The following CLMP variants were observed in gnomAD, a reference collection of about 807,000 sequenced individuals.
CLMP encodes the protein CXADR-like membrane protein.
Under a neutral mutation model 45.2 loss-of-function variants are expected in CLMP, and 27 were observed. That is an observed-to-expected ratio of 0.60 (90% confidence interval 0.44 to 0.82). The LOEUF is 0.82. CLMP is among the 40% of genes least tolerant of loss of function. The pLI is 0.00. For missense variants in CLMP, 403 were observed against 448.4 expected (o/e 0.90, Z 0.91); for synonymous variants, 167 against 171.4 (o/e 0.97, Z 0.20).
intron 5 of CLMP, among the ~76,000 whole-genome samples, chr11:123,075,429 C>G (rs375219867): frequency 6.6e-6 from 1 of 152,082 alleles, no homozygotes; most frequent in African/African-American, 2.4e-5. Flanking sequence ...CTGTGTCCCC[C>G]AGACTGGAGT....
At chr11:123,183,260 T>C (rs1324574675) in intron 1 of CLMP, among the ~76,000 whole-genome samples, 2 of 152,068 alleles carry the variant, frequency 1.3e-5, no homozygotes, top group African/African-American at 4.8e-5. Context: ...TGACAGAGTC[T>C]TGCTCTGTTG....
intron 1 of CLMP, among the ~76,000 whole-genome samples, chr11:123,166,408 C>T (rs931671913): frequency 6.6e-6 from 1 of 152,216 alleles, no homozygotes; most frequent in Non-Finnish European, 1.5e-5. Flanking sequence ...ATCAGCCTGA[C>T]GGCTTCAATA....
At chr11:123,135,707 A>G (rs956846006) in intron 1 of CLMP, among the ~76,000 whole-genome samples, 6 of 152,196 alleles carry the variant, frequency 3.9e-5, no homozygotes, top group African/African-American at 1.4e-4. Flanking sequence ...TGCAAAAATG[A>G]TGAGAGCCAT....
At chr11:123,167,138 T>C (rs1861568458) in intron 1 of CLMP, among the ~76,000 whole-genome samples, 1 of 152,192 alleles carries the variant, frequency 6.6e-6, no homozygotes, top group South Asian at 2.1e-4. Flanking sequence ...TTACTATCAA[T>C]AATCTTATAG....
At chr11:123,091,017 G>A (rs1264823038) in intron 2 of CLMP, among the ~76,000 whole-genome samples, 4 of 152,176 alleles carry the variant, frequency 2.6e-5, no homozygotes, top group Non-Finnish European at 4.4e-5. Context: ...ATTAAACTGC[G>A]AGGGTCCCAG....
At chr11:123,193,408 A>G (rs1280701536) in intron 1 of CLMP, among the ~76,000 whole-genome samples, 1 of 152,250 alleles carries the variant, frequency 6.6e-6, no homozygotes, top group Non-Finnish European at 1.5e-5. Flanking sequence ...GTTTCATTCT[A>G]CTAAATATCT....
At position 123,073,248 on chromosome 11, in the gene CLMP, C is replaced by G. The variant is rs1401220685; in HGVS notation, c.*226G>C. On this transcript the variant is annotated 3_prime_UTR_variant, in exon 7 of 7. Transcript: ENST00000448775. ...GACTCCTGCTTTCCCTTACTCTGGTCTAAAGGCACAATAAGATGCCTTTTT... is the reference window on the plus strand; with the variant it reads ...GACTCCTGCTTTCCCTTACTCTGGTGTAAAGGCACAATAAGATGCCTTTTT... 7 of 496,680 alleles carry G rather than the reference C, an allele frequency of 1.4e-5. No homozygotes were observed. 30.8% of individuals were successfully genotyped at this position (496,680 alleles called of 1,614,324 possible). A position where few individuals can be genotyped will look rare whatever the true frequency, so the allele number is the denominator to read the frequency against.
intron 1 of CLMP, among the ~76,000 whole-genome samples, chr11:123,128,945 G>A (rs1048981829): frequency 6.6e-6 from 1 of 152,136 alleles, no homozygotes; most frequent in Non-Finnish European, 1.5e-5. Context: ...GGAAGTCAAA[G>A]AAATTGACTG....
chr11:123,111,087 C>T lies in CLMP; in HGVS notation c.29-13135G>A, dbSNP rs576608105. 7.1e-4 allele frequency among the ~76,000 whole-genome samples: 108 copies of T among 152,120 alleles called. 1 individual carries two copies. The highest frequency in any genetic ancestry group is 2.5e-3 in the African/African-American group (104 of 41,488). On this transcript the variant is annotated intron_variant, in intron 1 of 6. Transcript: ENST00000448775. ...ATAAAATACAAGTGTAAAATACTGT[C>T]GGTGTATTTTGTCACCATCAGTGAG...
chr11:123,138,746 C>T (rs1451496088), intron 1 of CLMP, among the ~76,000 whole-genome samples: 10 of 152,064 alleles, frequency 6.6e-5, no homozygotes, highest in South Asian at 4.1e-4. Flanking sequence ...CTCTGCCTCC[C>T]GGGTTCAAGC....
In CLMP at chr11:123,148,209, TTA is replaced by T. The variant is rs1861266624; in HGVS notation, c.28+46702_28+46703del. Among the ~76,000 whole-genome samples, 4 of 152,286 alleles carry T rather than the reference TTA, an allele frequency of 2.6e-5. No individual in the cohort carries two copies. In the South Asian group the frequency reaches 8.3e-4, roughly 32 times the overall value. On this transcript the variant is annotated intron_variant, in intron 1 of 6. Transcript: ENST00000448775. ...TGCTACGTAAGTGTAGCTGTTATGT[TTA>T]GGGCCGCAGGGCTTTTAAGTGGCTT...
intron 1 of CLMP, among the ~76,000 whole-genome samples, chr11:123,182,938 A>G (rs991440901): frequency 6.6e-5 from 10 of 152,178 alleles, no homozygotes; most frequent in African/African-American, 2.4e-4. Context: ...TTTTGTGCCA[A>G]TGTGCATCAC....
intron 2 of CLMP, among the ~76,000 whole-genome samples, chr11:123,094,936 C>G (rs1469016819): frequency 6.6e-6 from 1 of 152,094 alleles, no homozygotes; most frequent in Non-Finnish European, 1.5e-5. Flanking sequence ...GTGCCAGGCT[C>G]TTTGTAAAAA....
At chr11:123,130,377 A>G (rs955425598) in intron 1 of CLMP, among the ~76,000 whole-genome samples, 1 of 152,130 alleles carries the variant, frequency 6.6e-6, no homozygotes, top group Non-Finnish European at 1.5e-5. Flanking sequence ...AGGACCATCA[A>G]GGCTTTGCCC....
chr11:123,152,914 G>A (rs964639700), intron 1 of CLMP, among the ~76,000 whole-genome samples: 1 of 152,146 alleles, frequency 6.6e-6, no homozygotes, highest in African/African-American at 2.4e-5. Flanking sequence ...TGAGCATAGA[G>A]GTTGTGTGCG....
intron 1 of CLMP, among the ~76,000 whole-genome samples, chr11:123,180,387 C>T (rs548740974): frequency 2.6e-5 from 4 of 152,036 alleles, no homozygotes; most frequent in African/African-American, 9.7e-5. Flanking sequence ...GCCTTAGAAA[C>T]GAAGCCCCAG....
intron 1 of CLMP, among the ~76,000 whole-genome samples, chr11:123,106,233 C>T (rs1043045695): frequency 6.6e-6 from 1 of 151,696 alleles, no homozygotes; most frequent in African/African-American, 2.4e-5. Context: ...CTCAGGGAAG[C>T]AAAAAGATTG....
Position 123,070,168 on chromosome 11 carries a change from C to T in CLMP, c.*3306G>A, listed in dbSNP as rs1865655916. ...ATGGTTACTCAATGTCCACATCATT[C>T]CATCTGCATCGTCTTCCTACAAACA... On this transcript the variant is annotated 3_prime_UTR_variant, in exon 7 of 7. Transcript: ENST00000448775. 1 of 152,208 alleles carries T rather than the reference C, an allele frequency of 6.6e-6. No individual in the cohort carries two copies. Among genetic ancestry groups the T allele is most frequent in the Admixed American group, 6.5e-5 (1 of 15,270 alleles). The allele number at this position is 152,208 out of a possible 1,614,324, so 9.4% of individuals were successfully genotyped here.
At chr11:123,128,403 C>T (rs1377364231) in intron 1 of CLMP, among the ~76,000 whole-genome samples, 2 of 114,762 alleles carry the variant, frequency 1.7e-5, no homozygotes, top group South Asian at 2.6e-4. Context: ...GTAATCCTGG[C>T]ATGGTGGCTC....
Sources: allele counts gnomAD v4.1 joint callset (sites outside exome capture counted in the v4.1 genomes callset), GRCh38; gene constraint gnomAD v4.1.1; transcripts MANE v1.5; gene names NCBI Gene and HGNC (gene_info 2026-07-23, HGNC 2026-07-21).